The following FBXL17 variants were observed in gnomAD, a reference collection of about 807,000 sequenced individuals.
FBXL17 encodes F-box and leucine rich repeat protein 17, also known as F-box/LRR-repeat protein 17.
Under a neutral mutation model 66.2 loss-of-function variants are expected in FBXL17, and 22 were observed. The ratio of observed to expected loss-of-function variants is 0.33; its 90% confidence interval spans 0.24 to 0.47. The LOEUF (loss-of-function observed/expected upper bound fraction) is 0.47. Ranked by LOEUF, FBXL17 falls within the 20% of genes least tolerant of loss-of-function variation. The pLI is 1.00. For missense variants in FBXL17, 878 were observed against 948.2 expected (o/e 0.93, Z 0.97); for synonymous variants, 474 against 400.5 (o/e 1.18, Z -2.19).
chr5:108,069,254 A>G lies in FBXL17; in HGVS notation c.1746-48253T>C, dbSNP rs574440993. On this transcript the variant is annotated intron_variant, in intron 6 of 8. Coordinates refer to ENST00000542267, the MANE Select transcript of FBXL17 (RefSeq NM_001163315.3). ...TAATATCATTTGTTTTCCCCTCTAA[A>G]TAAGTGGCACTGTATTGAAAAGGTG... Among the ~76,000 whole-genome samples the G allele has an allele frequency of 2.6e-5, 4 of 151,696 alleles. No individual in the cohort carries two copies. The South Asian group carries it at 8.3e-4, about 31-fold the overall frequency.
intron 4 of FBXL17, among the ~76,000 whole-genome samples, chr5:108,341,098 A>T (rs994207261): frequency 6.6e-6 from 1 of 152,198 alleles, no homozygotes; most frequent in Non-Finnish European, 1.5e-5. Flanking sequence ...AGTAGAAGCA[A>T]TGTAAGTGTC....
chr5:108,138,834 T>C (rs183032520), intron 6 of FBXL17, among the ~76,000 whole-genome samples: 2 of 152,072 alleles, frequency 1.3e-5, no homozygotes, highest in Admixed American at 1.3e-4. Flanking sequence ...GGACAAAATA[T>C]GAAAAAGAGG....
At chr5:108,299,401 G>C in intron 4 of FBXL17, 1 of 973,326 alleles carries the variant, frequency 1.0e-6, no homozygotes, top group Non-Finnish European at 1.2e-6. Flanking sequence ...ACACAAGCAA[G>C]TTTACATTAC....
intron 6 of FBXL17, among the ~76,000 whole-genome samples, chr5:108,117,967 CG>C (rs2149961039): frequency 6.6e-6 from 1 of 152,056 alleles, no homozygotes; most frequent in East Asian, 1.9e-4. Flanking sequence ...TACTAGAAAC[CG>C]TAAGGAATGA....
In FBXL17 at chr5:107,999,092, T is replaced by C. The variant is rs1050883847; in HGVS notation, c.1822+21833A>G. On this transcript the variant is annotated intron_variant, in intron 7 of 8. Transcript: ENST00000542267. ...CTCCAGGTGACTTGGGAGGACCTTG[T>C]CTATACTTTCCAGGTATCTGGTAGA... is the stretch of plus-strand genomic sequence containing the variant. 1.3e-5 allele frequency among the ~76,000 whole-genome samples: 2 copies of C among 152,194 alleles called. 1 individual carries two copies. The highest frequency in any genetic ancestry group is 2.9e-5 in the Non-Finnish European group (2 of 68,018).
chr5:107,880,313 A>G, intron 8 of FBXL17: 6 of 941,520 alleles, frequency 6.4e-6, no homozygotes, highest in Non-Finnish European at 6.3e-6. Context: ...TCCTGGGCTC[A>G]AGTGATCCTT....
chr5:108,238,242 A>C (rs73214531), intron 4 of FBXL17, among the ~76,000 whole-genome samples: 1,960 of 152,360 alleles, frequency 0.013, 35 homozygotes, highest in African/African-American at 0.043. Context: ...CATTTAATGA[A>C]AACTTCATAT....
rs541967258 is a variant in FBXL17 at position 108,075,724 on chromosome 5, G to A, written c.1746-54723C>T. Among the ~76,000 whole-genome samples the A allele has an allele frequency of 3.9e-5, 6 of 152,212 alleles. No individual in the cohort carries two copies. In the South Asian group the frequency reaches 8.3e-4, roughly 21 times the overall value. On this transcript the variant is annotated intron_variant, in intron 6 of 8. Coordinates refer to ENST00000542267, the MANE Select transcript of FBXL17 (RefSeq NM_001163315.3). Reference sequence around the variant, plus strand: ...ACTCCTGATCTCAGGTGATCTGCCCGCCTCGGCCTCCCAAAGTGCTGGGAT... The same window carrying A: ...ACTCCTGATCTCAGGTGATCTGCCCACCTCGGCCTCCCAAAGTGCTGGGAT...
chr5:108,254,743 T>C (rs1447866240), intron 4 of FBXL17, among the ~76,000 whole-genome samples: 1 of 152,170 alleles, frequency 6.6e-6, no homozygotes, highest in Non-Finnish European at 1.5e-5. Flanking sequence ...AAAGGTGAGC[T>C]AAATAATCAT....
intron 7 of FBXL17, among the ~76,000 whole-genome samples, chr5:108,003,693 C>A (rs1459222611): frequency 6.6e-6 from 1 of 152,032 alleles, no homozygotes; most frequent in East Asian, 1.9e-4. Flanking sequence ...AAGATGATCA[C>A]TGAAATTAAA....
In FBXL17 at chr5:108,027,402, A is replaced by T. The variant is rs115897274; in HGVS notation, c.1746-6401T>A. Among the ~76,000 whole-genome samples, 976 of 152,292 alleles carry T rather than the reference A, an allele frequency of 6.4e-3. 7 individuals are homozygous for T. Among genetic ancestry groups the T allele is most frequent in the African/African-American group, 0.023 (948 of 41,574 alleles). ...TCTTGCTTTTTAATTTTAGCCATTG[A>T]TCCATCCATTACCATAACTAACTAA... On this transcript the variant is annotated intron_variant, in intron 6 of 8. Coordinates refer to ENST00000542267, the MANE Select transcript of FBXL17 (RefSeq NM_001163315.3).
chr5:107,872,054 G>A (rs1159465003), intron 8 of FBXL17, among the ~76,000 whole-genome samples: 5 of 152,164 alleles, frequency 3.3e-5, no homozygotes, highest in Non-Finnish European at 7.3e-5. Flanking sequence ...CCATTATGCA[G>A]AATTTAGGAA....
intron 5 of FBXL17, among the ~76,000 whole-genome samples, chr5:108,208,877 T>A (rs1007894698): frequency 1.3e-5 from 2 of 152,118 alleles, no homozygotes; most frequent in African/African-American, 4.8e-5. Flanking sequence ...TGGGGATAGC[T>A]TTGAATCTAT....
chr5:108,276,993 G>A (rs1757509291), intron 4 of FBXL17, among the ~76,000 whole-genome samples: 3 of 151,698 alleles, frequency 2.0e-5, no homozygotes, highest in African/African-American at 7.3e-5. Flanking sequence ...ATCTTTATGT[G>A]AGAAGTAGAT....
intron 6 of FBXL17, among the ~76,000 whole-genome samples, chr5:108,148,147 CT>C (rs1463973608): frequency 6.6e-6 from 1 of 151,990 alleles, no homozygotes; most frequent in East Asian, 1.9e-4. Flanking sequence ...ACAATTATTT[CT>C]GATAGGGAAG....
chr5:108,330,832 A>G (rs886430435), intron 4 of FBXL17, among the ~76,000 whole-genome samples: 1 of 152,130 alleles, frequency 6.6e-6, no homozygotes, highest in Admixed American at 6.5e-5. Flanking sequence ...AATCTCCTAA[A>G]GATTGAGACT....
intron 4 of FBXL17, among the ~76,000 whole-genome samples, chr5:108,337,533 A>G (rs545090783): frequency 5.9e-5 from 9 of 152,100 alleles, no homozygotes; most frequent in Non-Finnish European, 1.3e-4. Flanking sequence ...CAAATTATCA[A>G]TGGATTAGTA....
intron 7 of FBXL17, among the ~76,000 whole-genome samples, chr5:107,913,737 C>T (rs974133605): frequency 3.9e-5 from 6 of 152,112 alleles, no homozygotes; most frequent in African/African-American, 1.4e-4. Context: ...GCTTCGTCAA[C>T]AATATGAAAG....
In FBXL17 at chr5:108,186,255, GA is replaced by G. The variant is rs770663289; in HGVS notation, c.1615-9del. On this transcript the variant is annotated splice_polypyrimidine_tract_variant and intron_variant, in intron 5 of 8. Transcript: ENST00000542267. ...GCTGGAAAGGTTTCTTAGCTAATGAGATAAATAAAATGAAAGATGAAAAAGG... is the reference window on the plus strand; with the variant it reads ...GCTGGAAAGGTTTCTTAGCTAATGAGTAAATAAAATGAAAGATGAAAAAGG... 1.2e-6 allele frequency: 2 copies of G among 1,601,792 alleles called. No individual in the cohort carries two copies. Among genetic ancestry groups the G allele is most frequent in the East Asian group, 4.5e-5 (2 of 44,556 alleles).
Sources: allele counts gnomAD v4.1 joint callset (sites outside exome capture counted in the v4.1 genomes callset), GRCh38; gene constraint gnomAD v4.1.1; transcripts MANE v1.5; gene names NCBI Gene and HGNC (gene_info 2026-07-23, HGNC 2026-07-21).